Variants in CSMD1 observed in about 807,000 individuals in gnomAD.
CSMD1 encodes the protein CUB and sushi domain-containing protein 1.
In CSMD1, 213 loss-of-function variants were observed where a neutral mutation model predicts 417.5. That is an observed-to-expected ratio of 0.51 (90% confidence interval 0.46 to 0.57). The LOEUF (loss-of-function observed/expected upper bound fraction) is 0.57, where lower values mean the gene tolerates loss of function less well. Among genes scored for constraint, CSMD1 ranks in the 20% least tolerant of loss-of-function variants. The pLI is 0.00. For missense variants in CSMD1, 6,923 were observed against 4,529.7 expected (o/e 1.53, Z -15.17); for synonymous variants, 2,862 against 1,736.8 (o/e 1.65, Z -16.11).
In CSMD1 at chr8:3,099,229, G is replaced by A. The variant is rs557456752; in HGVS notation, c.6950-2192C>T. Among the ~76,000 whole-genome samples, 7 of 152,186 alleles carry A rather than the reference G, an allele frequency of 4.6e-5. No individual in the cohort carries two copies. In the South Asian group the frequency reaches 1.5e-3, roughly 32 times the overall value. ...CATCCAGACCACACAGAGGGAGGTC[G>A]TGGGAAGCATAAATAAACTTTACCT... On this transcript the variant is annotated intron_variant, in intron 46 of 69. Coordinates refer to ENST00000635120, the MANE Select transcript of CSMD1 (RefSeq NM_033225.6).
chr8:3,881,431 C>G (rs3115659), intron 5 of CSMD1, among the ~76,000 whole-genome samples: 2,093 of 151,284 alleles, frequency 0.014, 28 homozygotes, highest in Non-Finnish European at 0.021. Context: ...GTTAGGAGTT[C>G]AAAGACCAGC....
At position 4,167,436 on chromosome 8, in the gene CSMD1, G is replaced by T. The variant is rs926563962; in HGVS notation, c.416-135337C>A. 3.9e-5 allele frequency among the ~76,000 whole-genome samples: 6 copies of T among 152,088 alleles called. No individual in the cohort carries two copies. The East Asian group carries it at 1.2e-3, about 29-fold the overall frequency. ...ATGTAAAAGAAATGGTAATAGAAAT[G>T]TTAACACACTGGAATAGAATGACGG... On this transcript the variant is annotated intron_variant, in intron 3 of 69. Coordinates refer to ENST00000635120, the MANE Select transcript of CSMD1 (RefSeq NM_033225.6).
chr8:4,588,491 C>G lies in CSMD1; in HGVS notation c.302+48851G>C, dbSNP rs180996168. On this transcript the variant is annotated intron_variant, in intron 2 of 69. Transcript: ENST00000635120. ...GAAACAGTGGTCTGATGTTTTCTTT[C>G]CTGTTTAAGAAACTCTACTCTGGCC... Among the ~76,000 whole-genome samples the G allele has an allele frequency of 4.4e-4, 67 of 151,910 alleles. No individual in the cohort carries two copies. In the East Asian group the frequency reaches 0.012, roughly 27 times the overall value.
At chr8:3,300,958 C>CAAAAAAAA (rs374180480) in intron 25 of CSMD1, among the ~76,000 whole-genome samples, 10 of 50,552 alleles carry the variant, frequency 2.0e-4, no homozygotes, top group East Asian at 8.0e-4. Flanking sequence ...GACTCTGTCT[C>CAAAAAAAA]AAAAAAAAAA....
intron 5 of CSMD1, among the ~76,000 whole-genome samples, chr8:3,845,728 T>G (rs1803461505): frequency 6.6e-6 from 1 of 152,312 alleles, no homozygotes; most frequent in African/African-American, 2.4e-5. Context: ...ATTTTTCATC[T>G]TTTTTACTCT....
intron 2 of CSMD1, among the ~76,000 whole-genome samples, chr8:4,588,291 C>A (rs1799805045): frequency 6.6e-6 from 1 of 151,484 alleles, no homozygotes; most frequent in Admixed American, 6.6e-5. Context: ...CTGATACTAG[C>A]CAAAAAGAAA....
At chr8:4,077,345 A>G (rs1425726350) in intron 3 of CSMD1, among the ~76,000 whole-genome samples, 2 of 146,444 alleles carry the variant, frequency 1.4e-5, no homozygotes, top group South Asian at 2.1e-4. Flanking sequence ...GATTATATAT[A>G]ATTTATATTT....
At chr8:4,295,771 TATATATATATATATATAC>T (rs1223403342) in intron 3 of CSMD1, among the ~76,000 whole-genome samples, 19 of 39,594 alleles carry the variant, frequency 4.8e-4, no homozygotes, top group Admixed American at 2.1e-3. Flanking sequence ...TATATATATA[TATATATATATATATATAC>T]ACACACACAT....
intron 17 of CSMD1, among the ~76,000 whole-genome samples, chr8:3,392,263 T>G (rs79171962): frequency 6.6e-6 from 1 of 151,782 alleles, no homozygotes; most frequent in African/African-American, 2.4e-5. Context: ...AATAAAAAAA[T>G]AAAATAAATA....
rs115467963 is a variant in CSMD1 at position 4,624,576 on chromosome 8, C to T, written c.302+12766G>A. Among the ~76,000 whole-genome samples the T allele has an allele frequency of 5.8e-3, 890 of 152,290 alleles. 11 individuals carry two copies. Among genetic ancestry groups the T allele is most frequent in the African/African-American group, 0.02 (826 of 41,550 alleles). On this transcript the variant is annotated intron_variant, in intron 2 of 69. Coordinates refer to ENST00000635120, the MANE Select transcript of CSMD1 (RefSeq NM_033225.6). ...GATTTCACATATTGAAGATTCTTTG[C>T]TGCTGATGAACAATGGAAGATCCAC...
chr8:4,796,958 T>C (rs1462944501), intron 1 of CSMD1, among the ~76,000 whole-genome samples: 1 of 152,204 alleles, frequency 6.6e-6, no homozygotes, highest in Non-Finnish European at 1.5e-5. Context: ...GCGGCCCTGA[T>C]TGCCTGGTCA....
intron 1 of CSMD1, among the ~76,000 whole-genome samples, chr8:4,682,348 G>A (rs746043504): frequency 5.9e-5 from 9 of 151,996 alleles, no homozygotes; most frequent in Non-Finnish European, 1.3e-4. Context: ...TGCTTTTTTT[G>A]ATTAGTCAGA....
chr8:3,921,742 A>C (rs559124732), intron 5 of CSMD1, among the ~76,000 whole-genome samples: 3 of 152,184 alleles, frequency 2.0e-5, no homozygotes, highest in Admixed American at 6.5e-5. Flanking sequence ...AAGAGTCAGG[A>C]AAGTTACCAA....
chr8:4,210,798 C>A (rs547169586), intron 3 of CSMD1, among the ~76,000 whole-genome samples: 2 of 152,178 alleles, frequency 1.3e-5, no homozygotes, highest in South Asian at 4.2e-4. Flanking sequence ...AGCATATCTA[C>A]AAGGTCTCAA....
chr8:3,334,593 A>G (rs1365762596), intron 23 of CSMD1, among the ~76,000 whole-genome samples: 1 of 152,232 alleles, frequency 6.6e-6, no homozygotes. Flanking sequence ...TTTCGCATCC[A>G]CAGGCTACGT....
At chr8:3,978,472 C>A (rs923650459) in intron 5 of CSMD1, among the ~76,000 whole-genome samples, 6 of 152,122 alleles carry the variant, frequency 3.9e-5, no homozygotes, top group Non-Finnish European at 8.8e-5. Context: ...TGTAAGAAAT[C>A]CATGAATATG....
chr8:3,132,773 A>T (rs1328937072), intron 41 of CSMD1, among the ~76,000 whole-genome samples: 1 of 151,870 alleles, frequency 6.6e-6, no homozygotes, highest in East Asian at 1.9e-4. Context: ...TCCTAATTTG[A>T]CTCCACTACT....
intron 3 of CSMD1, among the ~76,000 whole-genome samples, chr8:4,181,998 T>G (rs2656295): frequency 0.98 from 146,631 of 150,112 alleles, 71,686 homozygotes; most frequent in East Asian, 1. Flanking sequence ...GTTTACATTT[T>G]TAAGTACACA....
intron 1 of CSMD1, among the ~76,000 whole-genome samples, chr8:4,782,102 A>G (rs535573158): frequency 1.3e-5 from 2 of 152,334 alleles, no homozygotes; most frequent in East Asian, 3.9e-4. Flanking sequence ...TGCCTTTTAA[A>G]AAGACATTAC....
Sources: allele counts gnomAD v4.1 joint callset (sites outside exome capture counted in the v4.1 genomes callset), GRCh38; gene constraint gnomAD v4.1.1; transcripts MANE v1.5; gene names NCBI Gene and HGNC (gene_info 2026-07-23, HGNC 2026-07-21).